Variants in SMURF2 observed in about 807,000 individuals in gnomAD.
The protein encoded by SMURF2 is SMAD specific E3 ubiquitin protein ligase 2.
SMURF2 carries 48 observed loss-of-function variants against 109.6 expected under a neutral mutation model. The observed-to-expected ratio is 0.44, with a 90% CI of 0.35 to 0.56. The LOEUF (loss-of-function observed/expected upper bound fraction) is 0.56, where lower values mean the gene tolerates loss of function less well. Among genes scored for constraint, SMURF2 ranks in the 20% least tolerant of loss-of-function variants. The pLI, the probability that SMURF2 is intolerant of heterozygous loss-of-function variation, is 0.01. For missense variants in SMURF2, 575 were observed against 909.0 expected (o/e 0.63, Z 4.72); for synonymous variants, 288 against 317.1 (o/e 0.91, Z 0.97).
At chr17:64,650,230 T>C (rs1277330293) in intron 1 of SMURF2, among the ~76,000 whole-genome samples, 2 of 149,648 alleles carry the variant, frequency 1.3e-5, no homozygotes, top group Admixed American at 6.7e-5. Flanking sequence ...TGAGACCATG[T>C]CTCACTATGT....
intron 1 of SMURF2, among the ~76,000 whole-genome samples, chr17:64,620,555 T>C (rs1970187896): frequency 6.6e-6 from 1 of 152,214 alleles, no homozygotes; most frequent in Non-Finnish European, 1.5e-5. Flanking sequence ...ACCTTAAATG[T>C]TATTATCCCA....
chr17:64,563,054 C>G, intron 10 of SMURF2, 88 bp from the exon 11 acceptor site: 1 of 1,179,602 alleles, frequency 8.5e-7, no homozygotes, highest in Non-Finnish European at 1.2e-6. Flanking sequence ...TATTATAAAG[C>G]AAGTCTAGCT....
intron 1 of SMURF2, among the ~76,000 whole-genome samples, chr17:64,638,022 A>C (rs1970443395): frequency 7.0e-6 from 1 of 143,708 alleles, no homozygotes. Context: ...TCCTTACACC[A>C]GTACCACACT....
intron 10 of SMURF2, among the ~76,000 whole-genome samples, chr17:64,567,608 C>T (rs1454602413): frequency 5.9e-5 from 9 of 152,332 alleles, no homozygotes; most frequent in Admixed American, 5.2e-4. Flanking sequence ...CTGGGCCACA[C>T]TGGAAAAAGA....
intron 3 of SMURF2, among the ~76,000 whole-genome samples, chr17:64,597,517 A>C (rs1291529524): frequency 6.6e-6 from 1 of 152,202 alleles, no homozygotes; most frequent in Non-Finnish European, 1.5e-5. Flanking sequence ...TCATGTCTGT[A>C]ATCCCGGCAC....
chr17:64,627,138 G>C, intron 1 of SMURF2, among the ~76,000 whole-genome samples: 1 of 136,032 alleles, frequency 7.4e-6, no homozygotes, highest in Non-Finnish European at 1.5e-5. Flanking sequence ...TTTTGAGATG[G>C]AGTCTTGCTC....
chr17:64,597,986 A>G (rs1969842276), intron 3 of SMURF2, among the ~76,000 whole-genome samples: 1 of 152,148 alleles, frequency 6.6e-6, no homozygotes, highest in Non-Finnish European at 1.5e-5. Flanking sequence ...AAAAAGGTGC[A>G]TATACTCCAA....
chr17:64,562,506 A>C (rs1294489462), intron 11 of SMURF2, among the ~76,000 whole-genome samples: 2 of 150,702 alleles, frequency 1.3e-5, no homozygotes, highest in Admixed American at 6.6e-5. Flanking sequence ...CAGCCTCCCG[A>C]GTAGCTGGGA....
At chr17:64,613,508 A>G (rs1393215593) in intron 1 of SMURF2, among the ~76,000 whole-genome samples, 2 of 152,136 alleles carry the variant, frequency 1.3e-5, no homozygotes, top group African/African-American at 4.8e-5. Context: ...AATAGGTAAA[A>G]ATGTTGAGAA....
chr17:64,654,095 A>C (rs969770620), intron 1 of SMURF2, among the ~76,000 whole-genome samples: 1 of 152,230 alleles, frequency 6.6e-6, no homozygotes, highest in Non-Finnish European at 1.5e-5. Context: ...GGCTACAAAG[A>C]GGTAAGAGAA....
At chr17:64,646,377 C>T (rs1430982762) in intron 1 of SMURF2, among the ~76,000 whole-genome samples, 19 of 130,868 alleles carry the variant, frequency 1.5e-4, no homozygotes, top group Non-Finnish European at 1.6e-4. Context: ...TTTTTTTTTT[C>T]TTTCTTTTTT....
At chr17:64,659,516 CTT>C (rs60004963) in intron 1 of SMURF2, among the ~76,000 whole-genome samples, 93,691 of 135,612 alleles carry the variant, frequency 0.69, 35,120 homozygotes, top group East Asian at 0.91. Flanking sequence ...AAAGAATCAA[CTT>C]TTTTTTTTTT....
chr17:64,590,784 T>G (rs571500947), intron 5 of SMURF2, among the ~76,000 whole-genome samples: 25 of 152,330 alleles, frequency 1.6e-4, no homozygotes, highest in African/African-American at 6.0e-4. Context: ...AGAATTATTT[T>G]CAGTAAACTT....
chr17:64,622,661 A>G (rs375012443), intron 1 of SMURF2, among the ~76,000 whole-genome samples: 1 of 152,212 alleles, frequency 6.6e-6, no homozygotes, highest in African/African-American at 2.4e-5. Context: ...TCATAACATC[A>G]TATCAAGGGT....
At chr17:64,622,178 T>C (rs189024771) in intron 1 of SMURF2, among the ~76,000 whole-genome samples, 19 of 151,694 alleles carry the variant, frequency 1.3e-4, no homozygotes, top group Non-Finnish European at 2.2e-4. Flanking sequence ...ATTCCTGGGT[T>C]AATAGGGAAT....
In SMURF2 at chr17:64,661,943, G is replaced by C; in HGVS notation, c.-63C>G. 1 of 1,146,722 alleles carries C rather than the reference G, an allele frequency of 8.7e-7. No homozygotes were observed. Among genetic ancestry groups the C allele is most frequent in the Non-Finnish European group, 1.1e-6 (1 of 933,830 alleles). The allele number at this position is 1,146,722 out of a possible 1,614,324, so 71.0% of individuals were successfully genotyped here. ...ACGGGGGCGACGGCGAGGCGCGGCG[G>C]AGTCACCACAGCGGCCGGGGCTGGG... On this transcript the variant is annotated 5_prime_UTR_variant, in exon 1 of 19. Transcript: ENST00000262435.
intron 1 of SMURF2, among the ~76,000 whole-genome samples, chr17:64,611,826 T>C (rs1429581492): frequency 6.6e-6 from 1 of 152,202 alleles, no homozygotes; most frequent in African/African-American, 2.4e-5. Flanking sequence ...CAAACTTATA[T>C]TGGCTTCAAT....
At chr17:64,630,808 G>A (rs16947951) in intron 1 of SMURF2, among the ~76,000 whole-genome samples, 3,718 of 152,172 alleles carry the variant, frequency 0.024, 160 homozygotes, top group African/African-American at 0.085. Flanking sequence ...ATATCATTGC[G>A]GAGAACTTAA....
chr17:64,642,738 G>T (rs1470425952), intron 1 of SMURF2, among the ~76,000 whole-genome samples: 3 of 152,126 alleles, frequency 2.0e-5, no homozygotes, highest in Non-Finnish European at 4.4e-5. Context: ...CTATAAAGAA[G>T]TTCACAGTGC....
Sources: gnomAD v4.1 joint callset for allele counts (sites outside exome capture counted in the v4.1 genomes callset) on GRCh38, gnomAD v4.1.1 for gene constraint, MANE v1.5 for transcripts, NCBI Gene and HGNC (gene_info 2026-07-23, HGNC 2026-07-21) for gene names.